PLEKHH1: variants seen among roughly 807,000 people sequenced by gnomAD.
PLEKHH1 encodes the protein pleckstrin homology, MyTH4 and FERM domain containing H1.
Under a neutral mutation model 160.0 loss-of-function variants are expected in PLEKHH1, and 104 were observed. That is an observed-to-expected ratio of 0.65 (90% confidence interval 0.55 to 0.76). PLEKHH1 has a LOEUF of 0.76. Among genes scored for constraint, PLEKHH1 ranks in the 30% least tolerant of loss-of-function variants. The pLI, the probability that PLEKHH1 is intolerant of heterozygous loss-of-function variation, is 0.00. For missense variants in PLEKHH1, 1,427 were observed against 1,724.1 expected, an observed-to-expected ratio of 0.83 and a Z score of 3.05; for synonymous variants, 619 against 678.4, an observed-to-expected ratio of 0.91 and a Z score of 1.36.
intron 2 of PLEKHH1, 65 bp from the exon 3 acceptor site, chr14:67,555,760 C>T: frequency 6.3e-7 from 1 of 1,590,550 alleles, no homozygotes; most frequent in African/African-American, 1.3e-5. Context: ...TCTAAAGTGG[C>T]CTTGATGCCG....
At chr14:67,571,238 T>C (rs2035359425) in intron 9 of PLEKHH1, 1 of 158,736 alleles carries the variant, frequency 6.3e-6, no homozygotes, top group Admixed American at 5.8e-5. Flanking sequence ...TCTGGGCAAA[T>C]TATATACATG....
At chr14:67,541,635 T>G (rs2033966636) in intron 1 of PLEKHH1, among the ~76,000 whole-genome samples, 199 bp from the exon 2 acceptor site, 1 of 152,190 alleles carries the variant, frequency 6.6e-6, no homozygotes, top group Admixed American at 6.5e-5. Context: ...CTCAGCTAAC[T>G]TACAATGGAG....
chr14:67,581,143 C>G, intron 23 of PLEKHH1, 105 bp downstream of exon 23: 1 of 733,910 alleles, frequency 1.4e-6, no homozygotes, highest in Non-Finnish European at 2.4e-6. Context: ...GGGAGGGACC[C>G]ACAGATATAA....
At chr14:67,553,039 A>C (rs2034460046) in intron 2 of PLEKHH1, among the ~76,000 whole-genome samples, 1 of 152,230 alleles carries the variant, frequency 6.6e-6, no homozygotes, top group Non-Finnish European at 1.5e-5. Flanking sequence ...CTTGACCCAA[A>C]TGGAAATGCC....
chr14:67,579,921 G>A (rs1259127379), intron 22 of PLEKHH1, 45 bp downstream of exon 22: 1 of 1,533,944 alleles, frequency 6.5e-7, no homozygotes, highest in Non-Finnish European at 8.8e-7. Context: ...CCTGCTCAGG[G>A]ATATTGGTGG....
Position 67,562,734 on chromosome 14 carries a change from C to T in PLEKHH1, c.1103C>T (p.Ala368Val), listed in dbSNP as rs1475822161. ...GGCCTTCCTGAGCTGGAGTCCCGAG[C>T]TAGGTCCCGGGAGGAACCAGAGAAG... ...PSGLPELESR[A>V]RSREEPEKME... The change falls in exon 7 of 29, where the codon GCT (alanine) becomes GTT (valine). Residue 368 changes from alanine to valine, a missense_variant. Coordinates refer to ENST00000329153, the MANE Select transcript of PLEKHH1 (RefSeq NM_020715.3). 5.0e-6 allele frequency: 8 copies of T among 1,613,562 alleles called. No individual in the cohort carries two copies. In the African/African-American group the frequency reaches 1.1e-4, roughly 22 times the overall value.
intron 14 of PLEKHH1, among the ~76,000 whole-genome samples, 161 bp from the exon 15 acceptor site, chr14:67,575,231 C>T (rs2035570041): frequency 6.6e-6 from 1 of 152,100 alleles, no homozygotes; most frequent in South Asian, 2.1e-4. Flanking sequence ...GTCATGGCAC[C>T]CTCACTGTGA....
intron 2 of PLEKHH1, among the ~76,000 whole-genome samples, chr14:67,550,158 T>TAAAAAAAA (rs35673382): frequency 2.1e-5 from 3 of 145,248 alleles, no homozygotes; most frequent in East Asian, 2.0e-4. Flanking sequence ...GATCTGTTGC[T>TAAAAAAAA]AAAAAAAAAA....
intron 2 of PLEKHH1, among the ~76,000 whole-genome samples, chr14:67,545,062 G>A (rs2034122485): frequency 6.6e-6 from 1 of 152,174 alleles, no homozygotes; most frequent in African/African-American, 2.4e-5. Context: ...AATAACAATG[G>A]CTTAAACCAG....
chr14:67,573,320 G>A lies in PLEKHH1; in HGVS notation c.1773G>A (p.Gln591=). 6.2e-7 allele frequency: 1 copy of A among 1,613,870 alleles called. No individual in the cohort carries two copies. Among genetic ancestry groups the A allele is most frequent in the East Asian group, 2.2e-5 (1 of 44,888 alleles). ...KSGYLLKMGS[Q]VKTWKRRWFV... ...GCTACCTGCTGAAAATGGGGAGCCA[G>A]GTGAAGACGTGGAAGAGGCGCTGGT... Residue 591 remains glutamine (Q), a synonymous_variant, in exon 12 of 29, where the codon CAG becomes CAA. Coordinates refer to ENST00000329153, the MANE Select transcript of PLEKHH1 (RefSeq NM_020715.3). The surrounding 1 kb of genome is among the most constrained non-coding windows in gnomAD (Gnocchi z 4.8).
At chr14:67,541,730 C>T (rs2033971333) in intron 1 of PLEKHH1, 104 bp from the exon 2 acceptor site, 9 of 739,346 alleles carry the variant, frequency 1.2e-5, no homozygotes, top group African/African-American at 1.8e-5. Flanking sequence ...TTCTCTTCCC[C>T]AGCCCTGTTT....
Position 67,575,891 on chromosome 14 carries a change from C to T in PLEKHH1, c.2238C>T (p.Asp746=), listed in dbSNP as rs1325802857. 7 of 1,613,762 alleles carry T rather than the reference C, an allele frequency of 4.3e-6. No homozygotes were observed. Among genetic ancestry groups the T allele is most frequent in the Middle Eastern group, 1.6e-4 (1 of 6,084 alleles). ...IEEVDRSCDS[D]EDYEAGGTRR... ...AAGTAGATCGATCCTGTGACTCAGA[C>T]GAGGACTATGAGGCTGGAGGAACCA... Residue 746 remains aspartate (D), a synonymous_variant, in exon 16 of 29, where the codon GAC becomes GAT. Coordinates refer to ENST00000329153, the MANE Select transcript of PLEKHH1 (RefSeq NM_020715.3).
chr14:67,586,397 G>A, intron 28 of PLEKHH1: 5 of 1,354,300 alleles, frequency 3.7e-6, no homozygotes, highest in Non-Finnish European at 4.8e-6. Context: ...TCAGTTGGGT[G>A]CTTACGTGCT....
chr14:67,552,768 A>G (rs1332785914), intron 2 of PLEKHH1, among the ~76,000 whole-genome samples: 1 of 150,258 alleles, frequency 6.7e-6, no homozygotes, highest in African/African-American at 2.4e-5. Flanking sequence ...CTCTGTCTCA[A>G]AAAAAAAAAA....
intron 23 of PLEKHH1, chr14:67,581,718 CA>C: frequency 4.7e-6 from 1 of 213,248 alleles, no homozygotes; most frequent in Non-Finnish European, 9.5e-6. Flanking sequence ...CCCATCCCTC[CA>C]TCTCAGTATG....
rs1054116737 is a variant in PLEKHH1 at position 67,583,854 on chromosome 14, T to C, written c.3540T>C (p.Tyr1180=). The C allele has an allele frequency of 7.4e-6, 12 of 1,613,576 alleles. No homozygotes were observed. The highest frequency in any genetic ancestry group is 1.6e-4 in the Middle Eastern group (1 of 6,084). The part of the protein sequence containing the change: ...QVLDRFHPRR[Y]RHGAPAEQLR... The stretch of plus-strand genomic sequence containing the variant: ...TAGACAGGTTCCACCCCAGGCGCTA[T>C]AGACATGGGGCCCCCGCTGAACAGC... Residue 1180 remains tyrosine (Y), a synonymous_variant, in exon 25 of 29, where the codon TAT becomes TAC. Coordinates refer to ENST00000329153, the MANE Select transcript of PLEKHH1 (RefSeq NM_020715.3).
At position 67,584,090 on chromosome 14, in the gene PLEKHH1, G is replaced by A. The variant is rs745830388; in HGVS notation, c.3665G>A (p.Trp1222Ter). ...IRIYLTVARKWPFFGAKLFAA... is the reference protein window; with the variant it reads ...IRIYLTVARK ...ATCTACCTGACCGTGGCCAGGAAATGGCCTTTCTTTGGTGCTAAACTTTTT... is the reference window on the plus strand; with the variant it reads ...ATCTACCTGACCGTGGCCAGGAAATAGCCTTTCTTTGGTGCTAAACTTTTT... Residue 1222 changes from tryptophan (W) to a stop codon, truncating the protein, a stop_gained, in exon 26 of 29, where the codon TGG (tryptophan) becomes TAG (stop). Transcript: ENST00000329153. LOFTEE classifies it high-confidence loss of function. 6.2e-7 allele frequency: 1 copy of A among 1,613,936 alleles called. No homozygotes were observed. The highest frequency in any genetic ancestry group is 1.1e-5 in the South Asian group (1 of 91,080).
At position 67,576,388 on chromosome 14, in the gene PLEKHH1, C is replaced by T; in HGVS notation, c.2353-7C>T. On this transcript the variant is annotated splice_region_variant and splice_polypyrimidine_tract_variant and intron_variant, in intron 16 of 28. Transcript: ENST00000329153. This position sits in a 1 kb window ranked among gnomAD's most constrained non-coding sequence, Gnocchi z 4.0. ...TCCCCATCCGATGGCTTTCCGCCCT[C>T]TTCCAGGATACGTGGCTCTACCACC... The T allele has an allele frequency of 1.3e-6, 2 of 1,567,006 alleles. No individual in the cohort carries two copies. The highest frequency in any genetic ancestry group is 2.2e-5 in the South Asian group (2 of 89,548).
intron 2 of PLEKHH1, among the ~76,000 whole-genome samples, chr14:67,553,000 G>C (rs754840396): frequency 6.6e-6 from 1 of 152,216 alleles, no homozygotes; most frequent in Non-Finnish European, 1.5e-5. Flanking sequence ...GCGATTTCTG[G>C]TTCTGACCAA....
Sources: gnomAD v4.1 joint callset for allele counts (sites outside exome capture counted in the v4.1 genomes callset) on GRCh38, gnomAD v4.1.1 for gene constraint, Gnocchi (gnomAD v3.1) non-coding constraint, MANE v1.5 for transcripts, NCBI Gene and HGNC (gene_info 2026-07-23, HGNC 2026-07-21) for gene names.